The following RTKN2 variants were observed in gnomAD, a reference collection of about 807,000 sequenced individuals.
RTKN2 encodes the protein rhotekin 2.
In RTKN2, 69 loss-of-function variants were observed where a neutral mutation model predicts 71.5. The ratio of observed to expected loss-of-function variants is 0.96; its 90% CI spans 0.79 to 1.18. RTKN2 has a LOEUF of 1.18. RTKN2 is among the 50% of genes most tolerant of loss of function. RTKN2 has a pLI of 0.00. For missense variants in RTKN2, 724 were observed against 719.7 expected (o/e 1.01, Z -0.07); for synonymous variants, 236 against 236.5 (o/e 1.00, Z 0.02).
chr10:62,185,486 G>C (rs1456391262), intron 8 of RTKN2, among the ~76,000 whole-genome samples: 1 of 151,980 alleles, frequency 6.6e-6, no homozygotes, highest in Non-Finnish European at 1.5e-5. Flanking sequence ...TGTGGTGGCG[G>C]GCACCTGTAA....
Position 62,195,821 on chromosome 10 carries a change from T to A in RTKN2, c.*2087A>T, listed in dbSNP as rs1306908762. 1.0e-6 allele frequency: 1 copy of A among 984,690 alleles called. No individual in the cohort carries two copies. The highest frequency in any genetic ancestry group is 1.2e-6 in the Non-Finnish European group (1 of 829,852). The allele number at this position is 984,690 out of a possible 1,614,324, so 61.0% of individuals were successfully genotyped here. A position where few individuals can be genotyped will look rare whatever the true frequency, so the allele number is the denominator to read the frequency against. The stretch of plus-strand genomic sequence containing the variant: ...ACCGAATAATTTGGTGGGGAGGGGG[T>A]GGTGGTCCTTGCTCAGGCTTTTAAA... On this transcript the variant is annotated 3_prime_UTR_variant, in exon 12 of 12. Coordinates refer to ENST00000373789, the MANE Select transcript of RTKN2 (RefSeq NM_145307.4).
Position 62,204,913 on chromosome 10 carries a change from T to C in RTKN2, c.1130A>G (p.Asn377Ser), listed in dbSNP as rs781066005. ...CATCCACTTCTGAAGATCTTCTCTA[T>C]TGTCAACTGCAAAAATCTGAGTTAT... ...QAITQIFAVDNREDLQKWMEA... is the reference protein window; with the variant it reads ...QAITQIFAVDSREDLQKWMEA... The change falls in exon 10 of 12, where the codon AAT becomes AGT. Residue 377 changes from asparagine (N) to serine (S), a missense_variant. Asn to Ser is a conservative substitution (Grantham distance 46, BLOSUM62 1). Coordinates refer to ENST00000373789, the MANE Select transcript of RTKN2 (RefSeq NM_145307.4). 1.2e-6 allele frequency: 2 copies of C among 1,601,794 alleles called. No individual in the cohort carries two copies. The highest frequency in any genetic ancestry group is 1.7e-5 in the Admixed American group (1 of 57,640).
intron 9 of RTKN2, 139 bp from the exon 10 acceptor site, chr10:62,205,161 G>T: frequency 1.5e-6 from 1 of 662,234 alleles, no homozygotes; most frequent in South Asian, 2.4e-5. Context: ...TTTAAAACAT[G>T]TAATTTTGAG....
Position 62,197,842 on chromosome 10 carries a change from T to C in RTKN2, c.*66A>G, listed in dbSNP as rs1034672910. On this transcript the variant is annotated 3_prime_UTR_variant, in exon 12 of 12. Coordinates refer to ENST00000373789, the MANE Select transcript of RTKN2 (RefSeq NM_145307.4). Reference sequence around the variant, plus strand: ...TTACCTATATAATTACACATTATTCTATAATGCCTCTGAATTAAGCTTCAC... The same window carrying C: ...TTACCTATATAATTACACATTATTCCATAATGCCTCTGAATTAAGCTTCAC... 1 of 1,498,080 alleles carries C rather than the reference T, an allele frequency of 6.7e-7. No individual in the cohort carries two copies. 92.8% of individuals were successfully genotyped at this position (1,498,080 alleles called of 1,614,324 possible).
chr10:62,208,030 C>T (rs1299443977), intron 9 of RTKN2, among the ~76,000 whole-genome samples: 1 of 152,060 alleles, frequency 6.6e-6, no homozygotes, highest in Non-Finnish European at 1.5e-5. Context: ...TTTCGTCAGT[C>T]TGCAATTTTT....
chr10:62,190,133 T>A (rs139436482), downstream of RTKN2, among the ~76,000 whole-genome samples: 225 of 152,328 alleles, frequency 1.5e-3, no homozygotes, highest in African/African-American at 5.0e-3. Context: ...AGGCTGGATC[T>A]AATTGCGAAG....
chr10:62,254,060 T>C lies in RTKN2; in HGVS notation c.258-8003A>G, dbSNP rs558939845. ...AAACACTATCTATCCAAAAAAGTAA[T>C]TAATTCAAAGAGAAAAAAAGCAAAC... On this transcript the variant is annotated intron_variant, in intron 2 of 11. Transcript: ENST00000373789. Among the ~76,000 whole-genome samples, 12 of 152,242 alleles carry C rather than the reference T, an allele frequency of 7.9e-5. No individual in the cohort carries two copies. The South Asian group carries it at 2.3e-3, about 29-fold the overall frequency.
intron 9 of RTKN2, among the ~76,000 whole-genome samples, chr10:62,212,129 G>T (rs778053590): frequency 5.3e-5 from 8 of 151,600 alleles, no homozygotes; most frequent in Non-Finnish European, 1.0e-4. Flanking sequence ...TATATATGGG[G>T]TAATTAAAAC....
chr10:62,233,165 A>G (rs1445867350), intron 6 of RTKN2, among the ~76,000 whole-genome samples: 3 of 152,208 alleles, frequency 2.0e-5, no homozygotes, highest in African/African-American at 4.8e-5. Flanking sequence ...CTTTTCTACC[A>G]TATAGTGTAG....
intron 9 of RTKN2, among the ~76,000 whole-genome samples, chr10:62,216,068 T>G (rs1056773513): frequency 6.6e-6 from 1 of 151,936 alleles, no homozygotes; most frequent in Non-Finnish European, 1.5e-5. Context: ...TAAAAAGCAG[T>G]GTAATTTCTA....
intron 2 of RTKN2, chr10:62,259,092 C>T: frequency 5.2e-6 from 2 of 382,950 alleles, no homozygotes; most frequent in East Asian, 1.7e-4. Flanking sequence ...GTTTTTCCTG[C>T]ACTGTTCTCA....
chr10:62,203,304 G>A (rs1284271876), intron 10 of RTKN2, among the ~76,000 whole-genome samples: 2 of 151,452 alleles, frequency 1.3e-5, no homozygotes, highest in Non-Finnish European at 2.9e-5. Flanking sequence ...AAGCAAGGAA[G>A]TTCTTGTCTT....
chr10:62,231,384 C>T (rs543771565), intron 6 of RTKN2, among the ~76,000 whole-genome samples: 6 of 152,234 alleles, frequency 3.9e-5, no homozygotes, highest in African/African-American at 1.4e-4. Flanking sequence ...TGAATCTTAT[C>T]AGGGAGCTTA....
chr10:62,247,373 G>A (rs572482305), intron 2 of RTKN2, among the ~76,000 whole-genome samples: 13 of 151,796 alleles, frequency 8.6e-5, no homozygotes, highest in South Asian at 2.1e-4. Flanking sequence ...AAGTTCATAC[G>A]TTTATATGAG....
In RTKN2 at chr10:62,236,337, T is replaced by C. The variant is rs767790135; in HGVS notation, c.489-74A>G. On this transcript the variant is annotated intron_variant, in intron 5 of 11. Coordinates refer to ENST00000373789, the MANE Select transcript of RTKN2 (RefSeq NM_145307.4). ...TAAAATTATACCATTCTTTTATGTT[T>C]ATGTAACATTTAAAATCAGCATTTA... 14 of 969,908 alleles carry C rather than the reference T, an allele frequency of 1.4e-5. No individual in the cohort carries two copies. In the East Asian group the frequency reaches 3.6e-4, roughly 25 times the overall value. The allele number at this position is 969,908 out of a possible 1,614,324, so 60.1% of individuals were successfully genotyped here.
Position 62,194,943 on chromosome 10 carries a change from G to T in RTKN2, c.*2965C>A. ...AGGGGGCACTGCAGACAGTTAAGGAGGATTTAACAAAACTCAGCAAGAGTT... is the reference window on the plus strand; with the variant it reads ...AGGGGGCACTGCAGACAGTTAAGGATGATTTAACAAAACTCAGCAAGAGTT... On this transcript the variant is annotated 3_prime_UTR_variant, in exon 12 of 12. Transcript: ENST00000373789. 1.0e-6 allele frequency: 1 copy of T among 985,324 alleles called. No individual in the cohort carries two copies. The highest frequency in any genetic ancestry group is 4.7e-5 in the South Asian group (1 of 21,280). 61.0% of individuals were successfully genotyped at this position (985,324 alleles called of 1,614,324 possible).
intron 9 of RTKN2, chr10:62,214,986 T>C (rs1399608356): frequency 1.1e-5 from 10 of 875,934 alleles, no homozygotes; most frequent in Non-Finnish European, 1.8e-5. Context: ...GTAAAAGAAA[T>C]AATATACCTG....
intron 10 of RTKN2, among the ~76,000 whole-genome samples, chr10:62,200,598 G>A (rs1177938830): frequency 1.3e-5 from 2 of 151,748 alleles, no homozygotes; most frequent in Non-Finnish European, 1.5e-5. Context: ...TAGTTACCTA[G>A]AAGGAAATAG....
intron 9 of RTKN2, among the ~76,000 whole-genome samples, chr10:62,212,120 A>ATG (rs1377702543): frequency 6.6e-6 from 1 of 151,300 alleles, no homozygotes; most frequent in Non-Finnish European, 1.5e-5. Context: ...AAAAATATAT[A>ATG]TATATGGGGT....
Sources: allele counts gnomAD v4.1 joint callset (sites outside exome capture counted in the v4.1 genomes callset), GRCh38; gene constraint gnomAD v4.1.1; transcripts MANE v1.5; gene names NCBI Gene and HGNC (gene_info 2026-07-23, HGNC 2026-07-21).